The following ELOVL5 variants were observed in gnomAD, a reference collection of about 807,000 sequenced individuals.
ELOVL5 encodes the protein very long chain fatty acid elongase 5.
In ELOVL5, 8 loss-of-function variants were observed where a neutral mutation model predicts 38.6. That is an observed-to-expected ratio of 0.21 (90% CI 0.12 to 0.37). The LOEUF is 0.37. ELOVL5 is among the 10% of genes least tolerant of loss of function. ELOVL5 has a pLI of 1.00. For synonymous variants in ELOVL5, 127 were observed against 133.7 expected (o/e 0.95, Z 0.34); for missense variants, 280 against 367.8 (o/e 0.76, Z 1.95).
intron 1 of ELOVL5, among the ~76,000 whole-genome samples, chr6:53,308,960 A>AC (rs1434174299): frequency 6.6e-6 from 1 of 151,998 alleles, no homozygotes; most frequent in African/African-American, 2.4e-5. Flanking sequence ...GTATCAAGAT[A>AC]GAGATCAGTT....
intron 1 of ELOVL5, among the ~76,000 whole-genome samples, chr6:53,343,927 C>T (rs1351258952): frequency 6.6e-6 from 1 of 152,240 alleles, no homozygotes; most frequent in Non-Finnish European, 1.5e-5. Flanking sequence ...GCTGCACCAC[C>T]TTTGGTAACA....
intron 1 of ELOVL5, among the ~76,000 whole-genome samples, chr6:53,343,394 G>A (rs1769409632): frequency 6.6e-6 from 1 of 151,962 alleles, no homozygotes; most frequent in South Asian, 2.1e-4. Flanking sequence ...TGTATTTTTT[G>A]TACAGATGGG....
chr6:53,292,678 C>G (rs1766818372), intron 2 of ELOVL5, among the ~76,000 whole-genome samples: 1 of 152,220 alleles, frequency 6.6e-6, no homozygotes, highest in Non-Finnish European at 1.5e-5. Context: ...GTAATCCCAG[C>G]TACTTGGGAG....
intron 2 of ELOVL5, among the ~76,000 whole-genome samples, chr6:53,292,908 T>C (rs1766827496): frequency 6.6e-6 from 1 of 152,200 alleles, no homozygotes; most frequent in Non-Finnish European, 1.5e-5. Context: ...AGCGAAGACC[T>C]AGGCGGATCC....
chr6:53,348,945 G>C lies in ELOVL5; in HGVS notation c.-137C>G, dbSNP rs548681598. The C allele has an allele frequency of 2.3e-6, 1 of 429,806 alleles. No individual in the cohort carries two copies. The highest frequency in any genetic ancestry group is 2.1e-5 in the African/African-American group (1 of 47,916). 26.6% of individuals were successfully genotyped at this position (429,806 alleles called of 1,614,324 possible). On this transcript the variant is annotated 5_prime_UTR_variant, in exon 1 of 8. Coordinates refer to ENST00000304434, the MANE Select transcript of ELOVL5 (RefSeq NM_021814.5). ...CCGGTGGCTAGGACCCGCGCGATGG[G>C]AAGAGGAAGGCGCCGGCTATCTACA...
At chr6:53,270,948 A>T (rs985329301) in intron 6 of ELOVL5, among the ~76,000 whole-genome samples, 1 of 152,218 alleles carries the variant, frequency 6.6e-6, no homozygotes, top group African/African-American at 2.4e-5. Context: ...CCTCCAAGCT[A>T]TTTAAACTAC....
intron 1 of ELOVL5, among the ~76,000 whole-genome samples, chr6:53,335,022 C>G (rs181180304): frequency 1.4e-4 from 21 of 152,214 alleles, no homozygotes; most frequent in African/African-American, 4.8e-4. Context: ...CATTTAAATT[C>G]TCATTCTTGG....
chr6:53,311,668 C>T (rs1767839098), intron 1 of ELOVL5, among the ~76,000 whole-genome samples: 1 of 152,176 alleles, frequency 6.6e-6, no homozygotes, highest in Non-Finnish European at 1.5e-5. Flanking sequence ...GAAGACAGTA[C>T]TGACATTTGC....
At chr6:53,272,925 C>T (rs560747726) in intron 6 of ELOVL5, among the ~76,000 whole-genome samples, 1 of 152,140 alleles carries the variant, frequency 6.6e-6, no homozygotes, top group Admixed American at 6.6e-5. Context: ...CACATATACA[C>T]ACATACATGC....
intron 5 of ELOVL5, among the ~76,000 whole-genome samples, chr6:53,273,644 A>G (rs1014389944): frequency 3.3e-5 from 5 of 152,210 alleles, no homozygotes; most frequent in African/African-American, 1.2e-4. Context: ...GCAGATGCCC[A>G]CCCACTCTCA....
chr6:53,277,126 G>A (rs945893751), intron 3 of ELOVL5: 1 of 153,120 alleles, frequency 6.5e-6, no homozygotes, highest in African/African-American at 2.4e-5. Context: ...TTAGCTTGGC[G>A]AGCAACACAG....
intron 2 of ELOVL5, chr6:53,294,444 C>A: frequency 6.4e-7 from 1 of 1,550,604 alleles, no homozygotes. Context: ...AGCCATCCTA[C>A]AACTGTGTGA....
chr6:53,306,088 C>A (rs2127580580), intron 1 of ELOVL5, among the ~76,000 whole-genome samples: 1 of 151,088 alleles, frequency 6.6e-6, no homozygotes, highest in South Asian at 2.1e-4. Context: ...CCTGCAATTG[C>A]AGGCACTCGG....
At chr6:53,279,678 C>T (rs527456381) in intron 3 of ELOVL5, among the ~76,000 whole-genome samples, 8 of 152,280 alleles carry the variant, frequency 5.3e-5, no homozygotes, top group African/African-American at 1.2e-4. Flanking sequence ...GTATTTTAAA[C>T]GAGGCTTGAC....
At chr6:53,335,904 G>C (rs939180369) in intron 1 of ELOVL5, among the ~76,000 whole-genome samples, 2 of 152,182 alleles carry the variant, frequency 1.3e-5, no homozygotes, top group Admixed American at 1.3e-4. Flanking sequence ...CTGCTCGGAA[G>C]ACTGAGGCCA....
intron 2 of ELOVL5, among the ~76,000 whole-genome samples, chr6:53,295,119 A>G (rs547590349): frequency 3.9e-5 from 6 of 152,334 alleles, no homozygotes; most frequent in East Asian, 1.9e-4. Flanking sequence ...GAGCCTAAGA[A>G]GTTCTTTATA....
intron 2 of ELOVL5, chr6:53,294,638 T>C (rs1352924496): frequency 4.9e-6 from 6 of 1,235,826 alleles, no homozygotes; most frequent in Non-Finnish European, 6.5e-6. Flanking sequence ...GGATTTTTTG[T>C]CCCTTACAGC....
intron 1 of ELOVL5, among the ~76,000 whole-genome samples, chr6:53,344,973 C>T (rs564768546): frequency 7.2e-5 from 11 of 152,296 alleles, no homozygotes; most frequent in African/African-American, 2.2e-4. Context: ...TTAAAACAGA[C>T]GCTGTAGCTG....
chr6:53,303,068 T>C (rs1767324700), intron 1 of ELOVL5, among the ~76,000 whole-genome samples: 1 of 152,208 alleles, frequency 6.6e-6, no homozygotes, highest in Non-Finnish European at 1.5e-5. Context: ...ATTCTTCAAG[T>C]TGGCTGCCAG....
Sources: allele counts gnomAD v4.1 joint callset (sites outside exome capture counted in the v4.1 genomes callset), GRCh38; gene constraint gnomAD v4.1.1; transcripts MANE v1.5; gene names NCBI Gene and HGNC (gene_info 2026-07-23, HGNC 2026-07-21).